Variants in RRP12 observed in about 807,000 individuals in gnomAD.
The protein encoded by RRP12 is ribosomal RNA processing 12 homolog, also known as RRP12-like protein.
RRP12 carries 78 observed loss-of-function variants against 157.3 expected under a neutral mutation model. The observed-to-expected ratio is 0.50, with a 90% CI of 0.41 to 0.60. The LOEUF is 0.60. Ranked by LOEUF, RRP12 falls within the 20% of genes least tolerant of loss-of-function variation. The pLI, the probability that RRP12 is intolerant of heterozygous loss-of-function variation, is 0.00. For synonymous variants in RRP12, 726 were observed against 670.9 expected, an observed-to-expected ratio of 1.08 and a Z score of -1.27; for missense variants, 1,521 against 1,679.9, an observed-to-expected ratio of 0.91 and a Z score of 1.65.
Position 97,386,002 on chromosome 10 carries a change from G to T in RRP12, c.1018-9C>A, listed in dbSNP as rs576689203. 9.6e-6 allele frequency: 15 copies of T among 1,565,360 alleles called. No individual in the cohort carries two copies. The Admixed American group carries it at 1.1e-4, about 11-fold the overall frequency. Reference sequence around the variant, plus strand: ...GCACAGGCTGTCACCAGCTGGAGGGGGACACACAGGCTTAGAAAGGAACTA... The same window carrying T: ...GCACAGGCTGTCACCAGCTGGAGGGTGACACACAGGCTTAGAAAGGAACTA... On this transcript the variant is annotated splice_polypyrimidine_tract_variant and intron_variant, in intron 8 of 33. Coordinates refer to ENST00000370992, the MANE Select transcript of RRP12 (RefSeq NM_015179.4).
Position 97,367,108 on chromosome 10 carries a change from C to A in RRP12, c.2980G>T (p.Asp994Tyr). 7 of 1,614,222 alleles carry A rather than the reference C, an allele frequency of 4.3e-6. No homozygotes were observed. Among genetic ancestry groups the A allele is most frequent in the Non-Finnish European group, 5.9e-6 (7 of 1,180,048 alleles). Residue 994 changes from aspartate to tyrosine, a missense_variant, in exon 26 of 34, where the codon GAT becomes TAT. Coordinates refer to ENST00000370992, the MANE Select transcript of RRP12 (RefSeq NM_015179.4). ...ATGCGGAAGTGCCGCCGCATGTCAT[C>A]TGAAAGCTTCCCAATGGCTTCCATC... ...LVMEAIGKLS[D>Y]DMRRHFRMKL...
Position 97,366,153 on chromosome 10 carries a change from C to T in RRP12, c.3472G>A (p.Glu1158Lys). ...TCCATCTTGTTGCCGTCTGCCTCCT[C>T]CCTTATGATCAGCCGGCCATCGGCG... ...VSADGRLIIR[E>K]EADGNKMEEE... is the part of the protein sequence containing the mutation. The change falls in exon 29 of 34, where the codon GAG (glutamate) becomes AAG (lysine). Residue 1158 changes from glutamate to lysine, a missense_variant. Physicochemically the swap from Glu to Lys is moderately conservative, Grantham distance 56. Coordinates refer to ENST00000370992, the MANE Select transcript of RRP12 (RefSeq NM_015179.4). The T allele has an allele frequency of 6.2e-7, 1 of 1,607,662 alleles. No individual in the cohort carries two copies.
At chr10:97,380,629 T>C (rs564721839) in intron 13 of RRP12, among the ~76,000 whole-genome samples, 170 bp downstream of exon 13, 3 of 152,214 alleles carry the variant, frequency 2.0e-5, no homozygotes, top group African/African-American at 7.2e-5. Context: ...GCCCCTCCCT[T>C]GTTGGCCCAG....
chr10:97,366,276 C>A (rs750247095), intron 28 of RRP12, 43 bp from the exon 29 acceptor site: 2 of 1,605,122 alleles, frequency 1.2e-6, no homozygotes, highest in East Asian at 4.5e-5. Flanking sequence ...AGGCCAGTCC[C>A]ATGCTACTCA....
At chr10:97,377,472 T>A (rs913175677) in intron 15 of RRP12, among the ~76,000 whole-genome samples, 1 of 152,170 alleles carries the variant, frequency 6.6e-6, no homozygotes, top group African/African-American at 2.4e-5. Context: ...GAGGTTGCAG[T>A]GAACTGAGAT....
chr10:97,365,196 G>C (rs1421032158), intron 29 of RRP12, among the ~76,000 whole-genome samples: 2 of 151,782 alleles, frequency 1.3e-5, no homozygotes, highest in African/African-American at 4.8e-5. Flanking sequence ...AGGAGGTGCA[G>C]TGAGACAAGG....
intron 4 of RRP12, among the ~76,000 whole-genome samples, chr10:97,392,653 CTTTTAAT>C (rs1329595073): frequency 6.6e-6 from 1 of 151,362 alleles, no homozygotes; most frequent in Non-Finnish European, 1.5e-5. Context: ...CCAGCCATGA[CTTTTAAT>C]TTTTATTACT....
At chr10:97,377,484 G>A (rs953177121) in intron 15 of RRP12, among the ~76,000 whole-genome samples, 6 of 152,136 alleles carry the variant, frequency 3.9e-5, no homozygotes, top group African/African-American at 9.7e-5. Flanking sequence ...AACTGAGATC[G>A]TGCCACTGCA....
rs1844112945 is a variant in RRP12, at chr10:97,370,455, C to T, written c.2689G>A (p.Glu897Lys). Residue 897 changes from glutamate to lysine, a missense_variant and splice_region_variant, in exon 23 of 34, where the codon GAG (glutamate) becomes AAG (lysine). By Grantham distance (56) the Glu-to-Lys change is moderately conservative. Coordinates refer to ENST00000370992, the MANE Select transcript of RRP12 (RefSeq NM_015179.4). ...CCACCCCCAGCCCCCTGGGCCTCACCTTCCTGGTTCGAGCCAAACCTTAGG... is the reference window on the plus strand; with the variant it reads ...CCACCCCCAGCCCCCTGGGCCTCACTTTCCTGGTTCGAGCCAAACCTTAGG... ...AFLRFGSNQE[E>K]ALQCYLVLIY... 1 of 1,595,864 alleles carries T rather than the reference C, an allele frequency of 6.3e-7. No homozygotes were observed. Among genetic ancestry groups the T allele is most frequent in the Non-Finnish European group, 8.5e-7 (1 of 1,171,838 alleles).
At position 97,356,852 on chromosome 10, in the gene RRP12, C is replaced by A. The variant is rs1441718150; in HGVS notation, c.*242G>T. On this transcript the variant is annotated 3_prime_UTR_variant, in exon 34 of 34. Coordinates refer to ENST00000370992, the MANE Select transcript of RRP12 (RefSeq NM_015179.4). ...CTCTGGGCAGAAAGCAAAGGTGCCTCATGGCACCTACTCAGAGGCACTGAG... is the reference window on the plus strand; with the variant it reads ...CTCTGGGCAGAAAGCAAAGGTGCCTAATGGCACCTACTCAGAGGCACTGAG... The A allele has an allele frequency of 2.3e-6, 1 of 440,144 alleles. No individual in the cohort carries two copies. Among genetic ancestry groups the A allele is most frequent in the Non-Finnish European group, 4.0e-6 (1 of 249,496 alleles). The allele number at this position is 440,144 out of a possible 1,614,324, so 27.3% of individuals were successfully genotyped here. A position where few individuals can be genotyped will look rare whatever the true frequency, so the allele number is the denominator to read the frequency against.
At chr10:97,377,869 A>G (rs563548820) in intron 15 of RRP12, among the ~76,000 whole-genome samples, 1 of 152,098 alleles carries the variant, frequency 6.6e-6, no homozygotes, top group Non-Finnish European at 1.5e-5. Flanking sequence ...AAAGAAAAAA[A>G]AAGAAAATTT....
At chr10:97,379,823 C>A in intron 13 of RRP12, 53 bp from the exon 14 acceptor site, 1 of 1,537,844 alleles carries the variant, frequency 6.5e-7, no homozygotes, top group African/African-American at 1.4e-5. Context: ...AGCAGGGACC[C>A]ATGACAAGAC....
intron 30 of RRP12, among the ~76,000 whole-genome samples, chr10:97,361,194 T>C (rs1843833402): frequency 6.6e-6 from 1 of 152,174 alleles, no homozygotes; most frequent in Non-Finnish European, 1.5e-5. Context: ...CCAGCAGGTA[T>C]GATCATGGAC....
chr10:97,375,681 T>A (rs533335432), intron 15 of RRP12, among the ~76,000 whole-genome samples: 1 of 152,308 alleles, frequency 6.6e-6, no homozygotes, highest in East Asian at 1.9e-4. Flanking sequence ...ATCTGTATTT[T>A]CTTTGATGGG....
At chr10:97,363,796 C>T (rs1224837087) in intron 30 of RRP12, 58 bp downstream of exon 30, 1 of 1,447,960 alleles carries the variant, frequency 6.9e-7, no homozygotes, top group African/African-American at 1.4e-5. Flanking sequence ...GGGTGAGAAG[C>T]TGTGGAGCCC....
intron 28 of RRP12, 95 bp from the exon 29 acceptor site, chr10:97,366,328 G>A (rs1056903768): frequency 1.0e-4 from 157 of 1,570,062 alleles, no homozygotes; most frequent in African/African-American, 4.3e-4. Context: ...GATCCCAAAC[G>A]GGCGCCTCTC....
rs1845130569 is a variant in RRP12 at position 97,401,004 on chromosome 10, C to T, written c.139+89G>A. On this transcript the variant is annotated intron_variant, in intron 1 of 33. Transcript: ENST00000370992. ...GAGACGAAAGGTCCAATGCCTGGCC[C>T]CGCACTCTCCCAGAGGCCCCAGACT... The T allele has an allele frequency of 3.4e-6, 5 of 1,490,418 alleles. No individual in the cohort carries two copies. The South Asian group carries it at 4.9e-5, about 15-fold the overall frequency. 92.3% of individuals were successfully genotyped at this position (1,490,418 alleles called of 1,614,324 possible). A position where few individuals can be genotyped will look rare whatever the true frequency, so the allele number is the denominator to read the frequency against.
At position 97,359,027 on chromosome 10, in the gene RRP12, G is replaced by C; in HGVS notation, c.3641-17C>G. ...AGCCTCCAGCTACGGGGAGAACACA[G>C]GACCATGAGTCAGGCAAAGCCAGGG... is the stretch of plus-strand genomic sequence containing the variant. On this transcript the variant is annotated splice_polypyrimidine_tract_variant and intron_variant, in intron 31 of 33. Coordinates refer to ENST00000370992, the MANE Select transcript of RRP12 (RefSeq NM_015179.4). 6.2e-7 allele frequency: 1 copy of C among 1,610,286 alleles called. No individual in the cohort carries two copies.
At position 97,382,472 on chromosome 10, in the gene RRP12, A is replaced by G. The variant is rs75044402; in HGVS notation, c.1209-646T>C. ...GTAGCATTTATGTAACTCTTATCAT[A>G]TACCAATCACTGATATAACATACAT... On this transcript the variant is annotated intron_variant, in intron 10 of 33. Coordinates refer to ENST00000370992, the MANE Select transcript of RRP12 (RefSeq NM_015179.4). Among the ~76,000 whole-genome samples the G allele has an allele frequency of 8.7e-3, 1,326 of 152,332 alleles. 21 individuals are homozygous for G. The highest frequency in any genetic ancestry group is 0.03 in the African/African-American group (1,231 of 41,562).
Sources: allele counts gnomAD v4.1 joint callset (sites outside exome capture counted in the v4.1 genomes callset), GRCh38; gene constraint gnomAD v4.1.1; transcripts MANE v1.5; gene names NCBI Gene and HGNC (gene_info 2026-07-23, HGNC 2026-07-21).